Variants in ASTN2 observed in about 807,000 individuals in gnomAD.
ASTN2 encodes the protein astrotactin 2, also known as astrotactin-2.
In ASTN2, 54 loss-of-function variants were observed where a neutral mutation model predicts 139.8. That is an observed-to-expected ratio of 0.39 (90% CI 0.31 to 0.48). The LOEUF (loss-of-function observed/expected upper bound fraction) is 0.48, where lower values mean the gene tolerates loss of function less well. Among genes scored for constraint, ASTN2 ranks in the 20% least tolerant of loss-of-function variants. The probability of loss-of-function intolerance (pLI) is 0.95; values close to 1 mark genes in which losing one functional copy is unlikely to be tolerated. For synonymous variants in ASTN2, 756 were observed against 719.5 expected, an observed-to-expected ratio of 1.05 and a Z score of -0.81; for missense variants, 1,565 against 1,725.1, an observed-to-expected ratio of 0.91 and a Z score of 1.64.
At chr9:116,631,092 T>C (rs1372444346) in intron 17 of ASTN2, among the ~76,000 whole-genome samples, 2 of 152,188 alleles carry the variant, frequency 1.3e-5, no homozygotes, top group African/African-American at 4.8e-5. Flanking sequence ...GGGGAACTCT[T>C]ACACACTGTT....
At chr9:116,555,836 G>A (rs529339591) in intron 19 of ASTN2, among the ~76,000 whole-genome samples, 13 of 152,318 alleles carry the variant, frequency 8.5e-5, no homozygotes, top group Admixed American at 7.8e-4. Flanking sequence ...GGGTGCAGAG[G>A]TGCAGAGAGG....
At chr9:117,330,578 A>G (rs1342487886) in intron 1 of ASTN2, among the ~76,000 whole-genome samples, 2 of 152,222 alleles carry the variant, frequency 1.3e-5, no homozygotes, top group East Asian at 1.9e-4. Flanking sequence ...CTCCAGCTCA[A>G]ATAACTTTTC....
At chr9:117,108,437 A>AC (rs1829161167) in intron 4 of ASTN2, among the ~76,000 whole-genome samples, 10 of 82,922 alleles carry the variant, frequency 1.2e-4, no homozygotes, top group South Asian at 4.0e-4. Flanking sequence ...AAACAAAACA[A>AC]AACACACACA....
At chr9:117,170,086 A>G (rs1396079874) in intron 3 of ASTN2, among the ~76,000 whole-genome samples, 1 of 152,156 alleles carries the variant, frequency 6.6e-6, no homozygotes, top group Non-Finnish European at 1.5e-5. Flanking sequence ...TGTGAGGACT[A>G]AATATGAAAA....
At chr9:116,498,938 T>C (rs1849763163) in intron 19 of ASTN2, among the ~76,000 whole-genome samples, 1 of 152,320 alleles carries the variant, frequency 6.6e-6, no homozygotes, top group Non-Finnish European at 1.5e-5. Flanking sequence ...GGTATGAGGA[T>C]GCTATGCTGC....
intron 1 of ASTN2, among the ~76,000 whole-genome samples, chr9:117,403,840 T>TGCTTCCCCCA (rs899279340): frequency 4.6e-5 from 7 of 152,154 alleles, no homozygotes; most frequent in African/African-American, 1.2e-4. Context: ...CGGAATTCCC[T>TGCTTCCCCCA]GCTTCCCCCA....
chr9:116,834,939 C>A (rs575526142), intron 11 of ASTN2, among the ~76,000 whole-genome samples: 2 of 152,238 alleles, frequency 1.3e-5, no homozygotes, highest in East Asian at 3.9e-4. Context: ...GTCCCAGCTA[C>A]TTGGGATGTT....
rs567142489 is a variant in ASTN2 at position 117,337,798 on chromosome 9, G to A, written c.443-46285C>T. 4.6e-5 allele frequency among the ~76,000 whole-genome samples: 7 copies of A among 152,244 alleles called. No homozygotes were observed. The South Asian group carries it at 1.5e-3, about 32-fold the overall frequency. The stretch of plus-strand genomic sequence containing the variant: ...CAATGAGTGAGCTCATAGCCAAGGG[G>A]AGAAGCAGAAGCAAACACAACTGAC... On this transcript the variant is annotated intron_variant, in intron 1 of 22. Transcript: ENST00000313400.
chr9:116,686,986 C>A, intron 16 of ASTN2: 9 of 1,429,998 alleles, frequency 6.3e-6, no homozygotes, highest in Non-Finnish European at 8.2e-6. Flanking sequence ...CTGAGGACTA[C>A]CCTGGAGGCT....
intron 10 of ASTN2, among the ~76,000 whole-genome samples, chr9:116,894,743 C>A (rs1330410101): frequency 6.6e-6 from 1 of 152,114 alleles, no homozygotes; most frequent in Non-Finnish European, 1.5e-5. Context: ...CGATGCCCAG[C>A]CTATTCTCAT....
intron 17 of ASTN2, among the ~76,000 whole-genome samples, chr9:116,627,187 C>G (rs985395172): frequency 2.0e-5 from 3 of 152,150 alleles, no homozygotes; most frequent in Admixed American, 6.5e-5. Flanking sequence ...TTCTTATTCC[C>G]AAACAAGACA....
chr9:117,334,626 C>T (rs146817797), intron 1 of ASTN2, among the ~76,000 whole-genome samples: 141 of 152,188 alleles, frequency 9.3e-4, no homozygotes, highest in African/African-American at 3.2e-3. Context: ...ACACACCAGC[C>T]ACAGTGGCTT....
chr9:116,762,920 G>T (rs1829710665), intron 13 of ASTN2, among the ~76,000 whole-genome samples: 1 of 152,188 alleles, frequency 6.6e-6, no homozygotes, highest in South Asian at 2.1e-4. Flanking sequence ...ATGACATTGG[G>T]ATTTGTTATT....
intron 1 of ASTN2, among the ~76,000 whole-genome samples, chr9:117,320,155 C>T (rs72764151): frequency 6.6e-6 from 1 of 152,088 alleles, no homozygotes; most frequent in African/African-American, 2.4e-5. Context: ...TGTTTGAGCA[C>T]AGAGAAAACT....
intron 4 of ASTN2, among the ~76,000 whole-genome samples, chr9:117,126,352 T>C (rs1829689363): frequency 6.6e-6 from 1 of 152,208 alleles, no homozygotes; most frequent in African/African-American, 2.4e-5. Context: ...CAGGTCTAAA[T>C]TTACCTCCAA....
intron 5 of ASTN2, among the ~76,000 whole-genome samples, chr9:117,063,678 A>C (rs1839364198): frequency 6.6e-6 from 1 of 152,208 alleles, no homozygotes; most frequent in Non-Finnish European, 1.5e-5. Context: ...CTTTTAGTCC[A>C]CTAGAAGGTA....
chr9:116,531,138 T>C (rs1851323842), intron 19 of ASTN2, among the ~76,000 whole-genome samples: 2 of 152,202 alleles, frequency 1.3e-5, no homozygotes, highest in Admixed American at 1.3e-4. Context: ...GTCTGTGTTC[T>C]CATTTTCTCT....
At chr9:117,355,947 C>G (rs183770053) in intron 1 of ASTN2, among the ~76,000 whole-genome samples, 267 of 152,254 alleles carry the variant, frequency 1.8e-3, no homozygotes, top group Admixed American at 4.0e-3. Context: ...AGGGGAGCAG[C>G]CTACACTGGA....
chr9:117,300,653 G>A (rs1834853816), intron 1 of ASTN2, among the ~76,000 whole-genome samples: 1 of 152,166 alleles, frequency 6.6e-6, no homozygotes, highest in African/African-American at 2.4e-5. Context: ...ATAATTCTAA[G>A]AGATCCTGAT....
Sources: allele counts gnomAD v4.1 joint callset (sites outside exome capture counted in the v4.1 genomes callset), GRCh38; gene constraint gnomAD v4.1.1; transcripts MANE v1.5; gene names NCBI Gene and HGNC (gene_info 2026-07-23, HGNC 2026-07-21).